DLC1: variants seen among roughly 807,000 people sequenced by gnomAD.
DLC1 encodes rho GTPase-activating protein 7.
A neutral mutation model predicts 140.3 loss-of-function variants in DLC1; 54 were observed. The observed-to-expected ratio is 0.38, with a 90% CI of 0.31 to 0.48. DLC1 has a LOEUF of 0.48. Among genes scored for constraint, DLC1 ranks in the 20% least tolerant of loss-of-function variants. The pLI is 0.96. For synonymous variants in DLC1, 986 were observed against 728.1 expected (o/e 1.35, Z -5.70); for missense variants, 2,536 against 1,907.0 (o/e 1.33, Z -6.14).
chr8:13,545,579 T>C lies in DLC1; in HGVS notation c.-125-45383A>G, dbSNP rs187074601. Among the ~76,000 whole-genome samples, 800 of 151,242 alleles carry C rather than the reference T, an allele frequency of 5.3e-3. 14 individuals are homozygous for C. Among genetic ancestry groups the C allele is most frequent in the Non-Finnish European group, 2.3e-3 (156 of 67,976 alleles). ...ATTGTAAATTGAATTCGTGGTGTTG[T>C]TGAACTCTATTTGTGTAATATACTT... is the stretch of plus-strand genomic sequence containing the variant. On this transcript the variant is annotated intron_variant, in intron 1 of 1. Transcript: ENST00000631382.
At position 13,288,836 on chromosome 8, in the gene DLC1, G is replaced by A. The variant is rs80125107; in HGVS notation, c.1348+16433C>T. Among the ~76,000 whole-genome samples, 1,492 of 152,294 alleles carry A rather than the reference G, an allele frequency of 9.8e-3. 22 individuals are homozygous for A. The highest frequency in any genetic ancestry group is 0.034 in the African/African-American group (1,401 of 41,558). ...GACTTGTGTGGGCTGACATTTGGGAGGACTTGCATCAACCCAGCTTAGGGA... is the reference window on the plus strand; with the variant it reads ...GACTTGTGTGGGCTGACATTTGGGAAGACTTGCATCAACCCAGCTTAGGGA... On this transcript the variant is annotated intron_variant, in intron 5 of 17. Transcript: ENST00000276297.
At chr8:13,527,803 GT>G (rs1802967303) in intron 1 of DLC1, among the ~76,000 whole-genome samples, 1 of 152,092 alleles carries the variant, frequency 6.6e-6, no homozygotes, top group Non-Finnish European at 1.5e-5. Flanking sequence ...TCTATTATAC[GT>G]GAACTAGGGG....
At chr8:13,110,509 G>A (rs1035271781) in intron 7 of DLC1, among the ~76,000 whole-genome samples, 25 of 152,094 alleles carry the variant, frequency 1.6e-4, no homozygotes, top group African/African-American at 5.8e-4. Flanking sequence ...TATCAAATAT[G>A]GAATGCTATT....
intron 1 of DLC1, among the ~76,000 whole-genome samples, chr8:13,572,628 A>T (rs1804702948): frequency 6.6e-6 from 1 of 152,118 alleles, no homozygotes; most frequent in Non-Finnish European, 1.5e-5. Context: ...TCTTATAGTT[A>T]TGTATTTAAT....
chr8:13,540,680 C>T (rs974721335), intron 1 of DLC1, among the ~76,000 whole-genome samples: 3 of 152,148 alleles, frequency 2.0e-5, no homozygotes, highest in Admixed American at 1.3e-4. Flanking sequence ...AAGTATGGCA[C>T]TAATTATTTC....
chr8:13,549,563 T>G (rs972442183), intron 1 of DLC1, among the ~76,000 whole-genome samples: 3 of 152,062 alleles, frequency 2.0e-5, no homozygotes, highest in Non-Finnish European at 4.4e-5. Flanking sequence ...ACATAACTCA[T>G]GTATGTGACA....
At chr8:13,148,455 C>G (rs1379602254) in intron 5 of DLC1, among the ~76,000 whole-genome samples, 1 of 152,188 alleles carries the variant, frequency 6.6e-6, no homozygotes, top group Admixed American at 6.5e-5. Flanking sequence ...CCGCAAAAGA[C>G]AGGGTTCTGT....
intron 4 of DLC1, among the ~76,000 whole-genome samples, chr8:13,386,756 A>G (rs1016558237): frequency 6.6e-6 from 1 of 152,180 alleles, no homozygotes; most frequent in Middle Eastern, 3.4e-3. Flanking sequence ...ATTCTAGGAA[A>G]TATCACATTA....
At chr8:13,369,988 A>T (rs17803603) in intron 4 of DLC1, among the ~76,000 whole-genome samples, 18,687 of 149,576 alleles carry the variant, frequency 0.12, 1,287 homozygotes, top group Non-Finnish European at 0.16. Flanking sequence ...GGGACTGGTC[A>T]CTCCTCCTCG....
At position 13,208,745 on chromosome 8, in the gene DLC1, G is replaced by C. The variant is rs200291828; in HGVS notation, c.1349-93088C>G. On this transcript the variant is annotated intron_variant, in intron 5 of 17. Coordinates refer to ENST00000276297, the MANE Select transcript of DLC1 (RefSeq NM_182643.3). Reference sequence around the variant, plus strand: ...CACACCACACACACACATACACACAGACACACACACACACACACACACACA... The same window carrying C: ...CACACCACACACACACATACACACACACACACACACACACACACACACACA... 5.9e-4 allele frequency among the ~76,000 whole-genome samples: 88 copies of C among 147,908 alleles called. 1 individual carries two copies. The South Asian group carries it at 0.017, about 29-fold the overall frequency.
intron 1 of DLC1, among the ~76,000 whole-genome samples, chr8:13,553,857 C>A (rs11782548): frequency 6.6e-6 from 1 of 151,954 alleles, no homozygotes; most frequent in East Asian, 1.9e-4. Flanking sequence ...TTATCTTACT[C>A]GAGGACATTT....
chr8:13,330,661 C>G (rs879667175), intron 4 of DLC1, among the ~76,000 whole-genome samples: 1 of 152,106 alleles, frequency 6.6e-6, no homozygotes, highest in East Asian at 1.9e-4. Context: ...GTTTCAAGGC[C>G]CAGGTCACAG....
chr8:13,587,107 T>A (rs868094807), intron 1 of DLC1, among the ~76,000 whole-genome samples: 1 of 87,256 alleles, frequency 1.1e-5, no homozygotes, highest in Non-Finnish European at 2.4e-5. Context: ...CACACACACA[T>A]TCATGCATGC....
intron 1 of DLC1, among the ~76,000 whole-genome samples, chr8:13,583,441 C>T (rs1353668095): frequency 6.6e-6 from 1 of 152,196 alleles, no homozygotes; most frequent in African/African-American, 2.4e-5. Flanking sequence ...AAGTCAATCA[C>T]ATCCTCAGAT....
chr8:13,403,871 C>A (rs1305546123), intron 2 of DLC1, among the ~76,000 whole-genome samples: 1 of 136,218 alleles, frequency 7.3e-6, no homozygotes, highest in Non-Finnish European at 1.5e-5. Flanking sequence ...GTTGCCCAGG[C>A]TGGTCTCAAA....
At chr8:13,403,658 C>A (rs1281255977) in intron 2 of DLC1, among the ~76,000 whole-genome samples, 1 of 151,870 alleles carries the variant, frequency 6.6e-6, no homozygotes, top group Non-Finnish European at 1.5e-5. Context: ...CTTTTTGCAA[C>A]AAGGTCTCAC....
intron 2 of DLC1, among the ~76,000 whole-genome samples, chr8:13,461,974 A>T (rs1799683746): frequency 6.6e-6 from 1 of 152,156 alleles, no homozygotes; most frequent in Non-Finnish European, 1.5e-5. Context: ...CTCTCACCTC[A>T]GCAGTAGTGG....
At chr8:13,310,886 T>C (rs1447655932) in intron 4 of DLC1, among the ~76,000 whole-genome samples, 1 of 152,204 alleles carries the variant, frequency 6.6e-6, no homozygotes, top group Non-Finnish European at 1.5e-5. Flanking sequence ...TTTCCCAATC[T>C]TCAGTTCTTC....
intron 4 of DLC1, among the ~76,000 whole-genome samples, chr8:13,320,056 C>G (rs1206177697): frequency 6.6e-6 from 1 of 152,024 alleles, no homozygotes. Flanking sequence ...CTTGATCCGC[C>G]CGCCTTGGCC....
Sources: gnomAD v4.1 joint callset for allele counts (sites outside exome capture counted in the v4.1 genomes callset) on GRCh38, gnomAD v4.1.1 for gene constraint, MANE v1.5 for transcripts, NCBI Gene and HGNC (gene_info 2026-07-23, HGNC 2026-07-21) for gene names.